The following SPEG variants were observed in gnomAD, a reference collection of about 807,000 sequenced individuals.
SPEG encodes the protein striated muscle enriched protein kinase, also known as striated muscle preferentially expressed protein kinase.
Under a neutral mutation model 300.4 loss-of-function variants are expected in SPEG, and 114 were observed. The ratio of observed to expected loss-of-function variants is 0.38; its 90% CI spans 0.33 to 0.44. The LOEUF (loss-of-function observed/expected upper bound fraction) is 0.44, where lower values mean the gene tolerates loss of function less well. Among genes scored for constraint, SPEG ranks in the 20% least tolerant of loss-of-function variants. The probability of loss-of-function intolerance (pLI) is 1.00; values close to 1 mark genes in which losing one functional copy is unlikely to be tolerated. For missense variants in SPEG, 4,201 were observed against 4,586.2 expected, an observed-to-expected ratio of 0.92 and a Z score of 2.43; for synonymous variants, 1,964 against 2,018.9, an observed-to-expected ratio of 0.97 and a Z score of 0.73.
At chr2:219,442,970 C>T (rs1689036052) in intron 1 of SPEG, 1 of 713,210 alleles carries the variant, frequency 1.4e-6, no homozygotes, top group Non-Finnish European at 2.4e-6. Context: ...CACTCTGGGT[C>T]TCTGCCCACC....
In SPEG at chr2:219,464,704, C is replaced by A; in HGVS notation, c.2881+96C>A. ...CACAGCCTCAGTTAGAGGATGCCAC[C>A]ACTGAAAGGGCCTTAAGGGGCCCCT... On this transcript the variant is annotated intron_variant, in intron 9 of 40. Coordinates refer to ENST00000312358, the MANE Select transcript of SPEG (RefSeq NM_005876.5). The surrounding 1 kb of genome is among the most constrained non-coding windows in gnomAD (Gnocchi z 4.5). 2 of 1,318,032 alleles carry A rather than the reference C, an allele frequency of 1.5e-6. No homozygotes were observed. Among genetic ancestry groups the A allele is most frequent in the Non-Finnish European group, 2.1e-6 (2 of 940,480 alleles). The allele number at this position is 1,318,032 out of a possible 1,614,324, so 81.6% of individuals were successfully genotyped here.
chr2:219,473,607 G>A lies in SPEG; in HGVS notation c.4251G>A (p.Glu1417=), dbSNP rs528358688. The A allele has an allele frequency of 1.9e-6, 3 of 1,614,100 alleles. No homozygotes were observed. Among genetic ancestry groups the A allele is most frequent in the Non-Finnish European group, 1.7e-6 (2 of 1,180,046 alleles). The change falls in exon 17 of 41, where the codon GAG becomes GAA. Residue 1417 remains glutamate (E), a synonymous_variant. Coordinates refer to ENST00000312358, the MANE Select transcript of SPEG (RefSeq NM_005876.5). The surrounding 1 kb of genome is among the most constrained non-coding windows in gnomAD (Gnocchi z 4.6). The stretch of plus-strand genomic sequence containing the variant: ...TCACCGTCACATTCAACCATGTGGA[G>A]GCCCAGGTCGTCTGGAGGAGGTGGG... ...ASVTVTFNHV[E]AQVVWRSCRG...
intron 6 of SPEG, among the ~76,000 whole-genome samples, chr2:219,454,713 T>A (rs1690038674): frequency 6.6e-6 from 1 of 152,208 alleles, no homozygotes; most frequent in Admixed American, 6.5e-5. Flanking sequence ...GCCATCTGCC[T>A]AGGGATGTTT....
rs1407906623 is a variant in SPEG at position 219,445,133 on chromosome 2, T to C, written c.787T>C (p.Tyr263His). 4 of 1,586,046 alleles carry C rather than the reference T, an allele frequency of 2.5e-6. No homozygotes were observed. The highest frequency in any genetic ancestry group is 3.4e-6 in the Non-Finnish European group (4 of 1,166,856). The change falls in exon 3 of 41, where the codon TAC becomes CAC. Residue 263 changes from tyrosine (Y) to histidine (H), a missense_variant. Tyr to His is a moderately conservative substitution (Grantham distance 83). Around this residue, in one of 4 missense-constraint regions of SPEG, gnomAD observed 1,258 missense variants for 1,293.9 expected, o/e 0.97. Transcript: ENST00000312358. This position sits in a 1 kb window ranked among gnomAD's most constrained non-coding sequence, Gnocchi z 6.1. Reference protein sequence around the residue: ...SDLYGSAFSLYRGRALSIHVS... With the variant: ...SDLYGSAFSLHRGRALSIHVS... ...CCTGTACGGCAGCGCATTCAGCCTG[T>C]ACAGAGGACGGGCGCTCTCTATCCA...
intron 18 of SPEG, among the ~76,000 whole-genome samples, chr2:219,476,379 G>T (rs1289367450): frequency 6.6e-6 from 1 of 152,180 alleles, no homozygotes; most frequent in Non-Finnish European, 1.5e-5. Flanking sequence ...GCCACCTGCA[G>T]GGGCCAAGTT....
At position 219,477,385 on chromosome 2, in the gene SPEG, T is replaced by A. The variant is rs766459592; in HGVS notation, c.4669T>A (p.Cys1557Ser). The change falls in exon 20 of 41, where the codon TGC becomes AGC. Residue 1557 changes from cysteine (C) to serine (S), a missense_variant. Physicochemically the swap from Cys to Ser is moderately radical, Grantham distance 112. Around this residue, in one of 4 missense-constraint regions of SPEG, gnomAD observed 1,047 missense variants for 1,356.8 expected, o/e 0.77. Coordinates refer to ENST00000312358, the MANE Select transcript of SPEG (RefSeq NM_005876.5). The surrounding 1 kb of genome is among the most constrained non-coding windows in gnomAD (Gnocchi z 6.4). ...GGCCCAGGATGGAGGCGTCTACACC[T>A]GCACCGCCCAGAACCTGGCGGGTGA... ...TGAQDGGVYTCTAQNLAGEVS... is the reference protein window; with the variant it reads ...TGAQDGGVYTSTAQNLAGEVS... 8 of 1,610,532 alleles carry A rather than the reference T, an allele frequency of 5.0e-6. No individual in the cohort carries two copies. The highest frequency in any genetic ancestry group is 6.8e-6 in the Non-Finnish European group (8 of 1,178,484).
intron 34 of SPEG, 39 bp from the exon 35 acceptor site, chr2:219,489,015 G>A (rs759471128): frequency 9.9e-6 from 16 of 1,609,766 alleles, no homozygotes; most frequent in Admixed American, 8.4e-5. Context: ...TGGGGCCACC[G>A]CTTCTGTGAC....
chr2:219,476,751 GGGGT>G, intron 18 of SPEG, 115 bp from the exon 19 acceptor site: 1 of 715,204 alleles, frequency 1.4e-6, no homozygotes, highest in Admixed American at 2.5e-5. Context: ...CAGGGAGGCG[GGGGT>G]CTAGCGTTCT....
At chr2:219,446,975 C>CTTTTTTTTTTTTTTTTTTTCTTTTTTT (rs61280107) in intron 3 of SPEG, among the ~76,000 whole-genome samples, 1 of 122,234 alleles carries the variant, frequency 8.2e-6, no homozygotes. Context: ...CATTTAATTC[C>CTTTTTTTTTTTTTTTTTTTCTTTTTTT]TTTTTTTTTT....
At chr2:219,460,675 C>G (rs1690593893) in intron 6 of SPEG, 2 of 978,532 alleles carry the variant, frequency 2.0e-6, no homozygotes, top group African/African-American at 1.8e-5. Flanking sequence ...CCTCCCCTCT[C>G]CCCTCTCCTC....
chr2:219,439,218 T>A lies in SPEG; in HGVS notation c.388+3853T>A, dbSNP rs546767582. Among the ~76,000 whole-genome samples, 1 of 152,154 alleles carries A rather than the reference T, an allele frequency of 6.6e-6. No homozygotes were observed. The highest frequency in any genetic ancestry group is 1.9e-4 in the East Asian group (1 of 5,184). Reference sequence around the variant, plus strand: ...TGGAAGCCGTTGCAGGAAGATTTACTGTCCCCGTTCCCATCACTGCTTACC... The same window carrying A: ...TGGAAGCCGTTGCAGGAAGATTTACAGTCCCCGTTCCCATCACTGCTTACC... On this transcript the variant is annotated intron_variant, in intron 1 of 40. Transcript: ENST00000312358. The surrounding 1 kb of genome is among the most constrained non-coding windows in gnomAD (Gnocchi z 4.5).
In SPEG at chr2:219,483,928, G is replaced by C; in HGVS notation, c.6465G>C (p.Arg2155Ser). ...AGAPLEIPVARLGARRLQESP... is the reference protein window; with the variant it reads ...AGAPLEIPVASLGARRLQESP... ...CGCCCCTCGAGATCCCCGTGGCCAG[G>C]CTTGGGGCCCGTAGGCTACAGGAGT... The change falls in exon 30 of 41, where the codon AGG becomes AGC. Residue 2155 changes from arginine to serine, a missense_variant. Coordinates refer to ENST00000312358, the MANE Select transcript of SPEG (RefSeq NM_005876.5). The C allele has an allele frequency of 6.2e-7, 1 of 1,604,810 alleles. No individual in the cohort carries two copies.
At chr2:219,446,453 C>A (rs1245596159) in intron 3 of SPEG, among the ~76,000 whole-genome samples, 2 of 152,180 alleles carry the variant, frequency 1.3e-5, no homozygotes, top group Admixed American at 1.3e-4. Context: ...TGCGGCCCTT[C>A]CCCCAGAGAA....
intron 28 of SPEG, chr2:219,482,364 G>A (rs1041373205): frequency 7.4e-5 from 14 of 188,318 alleles, no homozygotes; most frequent in East Asian, 2.5e-4. Flanking sequence ...GGAAGCATCC[G>A]TCTTGGTCTG....
In SPEG at chr2:219,477,753, C is replaced by A; in HGVS notation, c.4794C>A (p.Ser1598Arg). The stretch of plus-strand genomic sequence containing the variant: ...AGGACCATCGAGGAAGGAGACTCAG[C>A]GACTTTTATGACATCCACCAGGAGA... ...EDEDHRGRRL[S>R]DFYDIHQEIG... The change falls in exon 21 of 41, where the codon AGC becomes AGA. Residue 1598 changes from serine (S) to arginine (R), a missense_variant. This residue lies in a region of SPEG where 1,047 missense variants were observed against 1,356.8 expected (regional missense o/e 0.77). Transcript: ENST00000312358. This position sits in a 1 kb window ranked among gnomAD's most constrained non-coding sequence, Gnocchi z 6.4. The A allele has an allele frequency of 6.2e-7, 1 of 1,609,440 alleles. No homozygotes were observed. The highest frequency in any genetic ancestry group is 1.1e-5 in the South Asian group (1 of 90,344).
At chr2:219,441,974 C>T (rs1158385887) in intron 1 of SPEG, 1 of 359,830 alleles carries the variant, frequency 2.8e-6, no homozygotes, top group South Asian at 1.2e-4. Context: ...AGCTCGCCCC[C>T]GGCCCCGCCT....
At position 219,476,968 on chromosome 2, in the gene SPEG, A is replaced by G; in HGVS notation, c.4546A>G (p.Ile1516Val). ...GGTCGAGGGAAAACCACTGCCGGAC[A>G]TCATGTGGTACAAGGTCAGAGTGTG... ...VVVEGKPLPD[I>V]MWYKDEVLLT... Residue 1516 changes from isoleucine to valine, a missense_variant, in exon 19 of 41, where the codon ATC (isoleucine) becomes GTC (valine). Physicochemically the swap from Ile to Val is conservative, Grantham distance 29. Coordinates refer to ENST00000312358, the MANE Select transcript of SPEG (RefSeq NM_005876.5). 6.2e-7 allele frequency: 1 copy of G among 1,610,110 alleles called. No homozygotes were observed. Among genetic ancestry groups the G allele is most frequent in the Non-Finnish European group, 8.5e-7 (1 of 1,177,984 alleles).
At position 219,474,378 on chromosome 2, in the gene SPEG, C is replaced by CA. The variant is rs35320747; in HGVS notation, c.4447+494dup. On this transcript the variant is annotated intron_variant, in intron 18 of 40. Transcript: ENST00000312358. ...GGGCAACAAGAGCAAAACTCTGTCT[C>CA]AAAAAAAAAAAAAAAAAAAGATGTA... 6.4e-3 allele frequency: 628 copies of CA among 98,838 alleles called. 4 individuals carry two copies. The highest frequency in any genetic ancestry group is 0.011 in the African/African-American group (316 of 29,996). 6.1% of individuals were successfully genotyped at this position (98,838 alleles called of 1,614,324 possible).
Position 219,464,755 on chromosome 2 carries a change from A to G in SPEG, c.2881+147A>G, listed in dbSNP as rs1691101367. 18 of 684,480 alleles carry G rather than the reference A, an allele frequency of 2.6e-5. No individual in the cohort carries two copies. The South Asian group carries it at 3.3e-4, about 12-fold the overall frequency. The allele number at this position is 684,480 out of a possible 1,614,324, so 42.4% of individuals were successfully genotyped here. A position where few individuals can be genotyped will look rare whatever the true frequency, so the allele number is the denominator to read the frequency against. ...AGTCCAGCTGCTTATATTATTGTTG[A>G]GTGAACCAAAGCCCAGAGACAGGAA... is the stretch of plus-strand genomic sequence containing the variant. On this transcript the variant is annotated intron_variant, in intron 9 of 40. Transcript: ENST00000312358. This position sits in a 1 kb window ranked among gnomAD's most constrained non-coding sequence, Gnocchi z 4.5.
Sources: allele counts gnomAD v4.1 joint callset (sites outside exome capture counted in the v4.1 genomes callset), GRCh38; gene constraint gnomAD v4.1.1; regional missense constraint gnomAD v4.1.1; non-coding constraint Gnocchi (gnomAD v3.1); transcripts MANE v1.5; gene names NCBI Gene and HGNC (gene_info 2026-07-23, HGNC 2026-07-21).